Variants in PTPRA observed in about 807,000 individuals in gnomAD.
PTPRA encodes the protein protein tyrosine phosphatase receptor type A, also known as receptor-type tyrosine-protein phosphatase alpha.
Under a neutral mutation model 104.8 loss-of-function variants are expected in PTPRA, and 25 were observed. That is an observed-to-expected ratio of 0.24 (90% CI 0.17 to 0.33). The LOEUF (loss-of-function observed/expected upper bound fraction) is 0.33, where lower values mean the gene tolerates loss of function less well. PTPRA is among the 10% of genes least tolerant of loss of function. The pLI is 1.00. For synonymous variants in PTPRA, 323 were observed against 368.9 expected (o/e 0.88, Z 1.43); for missense variants, 765 against 1,015.3 (o/e 0.75, Z 3.35).
intron 1 of PTPRA, among the ~76,000 whole-genome samples, chr20:2,892,609 T>A (rs2058843630): frequency 1.3e-5 from 2 of 152,112 alleles, no homozygotes; most frequent in Admixed American, 1.3e-4. Context: ...TGTTGCCAGG[T>A]GATTCTGCTC....
chr20:3,010,486 G>T (rs548200734), intron 11 of PTPRA, among the ~76,000 whole-genome samples: 62 of 152,124 alleles, frequency 4.1e-4, no homozygotes, highest in African/African-American at 1.4e-3. Flanking sequence ...AAATTAGTCG[G>T]GCGTGGTGGC....
intron 1 of PTPRA, among the ~76,000 whole-genome samples, chr20:2,909,332 G>A (rs1325937620): frequency 6.6e-6 from 1 of 152,018 alleles, no homozygotes; most frequent in African/African-American, 2.4e-5. Context: ...GGTGGCTCAT[G>A]CTTGTAAATC....
intron 9 of PTPRA, among the ~76,000 whole-genome samples, chr20:2,991,959 T>C (rs1027603774): frequency 6.6e-6 from 1 of 152,212 alleles, no homozygotes; most frequent in Non-Finnish European, 1.5e-5. Flanking sequence ...AATTTCTCTT[T>C]TATACACATT....
At chr20:2,980,470 C>T (rs371218092) in intron 6 of PTPRA, among the ~76,000 whole-genome samples, 1 of 152,054 alleles carries the variant, frequency 6.6e-6, no homozygotes, top group East Asian at 2.0e-4. Flanking sequence ...GTGAGGATCG[C>T]TCGAACCAGG....
chr20:2,968,760 A>G (rs1274128170), intron 5 of PTPRA, among the ~76,000 whole-genome samples: 1 of 152,126 alleles, frequency 6.6e-6, no homozygotes, highest in Non-Finnish European at 1.5e-5. Flanking sequence ...CAAATGATTT[A>G]GAAATTAGCA....
At chr20:2,989,390 G>A (rs372482992) in intron 9 of PTPRA, among the ~76,000 whole-genome samples, 24 of 152,280 alleles carry the variant, frequency 1.6e-4, no homozygotes, top group East Asian at 1.2e-3. Context: ...CCAAGGTCAC[G>A]CCACTGCACT....
chr20:2,870,392 G>A (rs970410274), upstream of PTPRA, among the ~76,000 whole-genome samples: 2 of 152,008 alleles, frequency 1.3e-5, no homozygotes, highest in Non-Finnish European at 1.5e-5. Flanking sequence ...AAAAAAACTC[G>A]GGTTTGAACA....
chr20:2,909,782 T>C (rs1026127265), intron 1 of PTPRA, among the ~76,000 whole-genome samples: 1 of 132,460 alleles, frequency 7.5e-6, no homozygotes. Flanking sequence ...TATAAGATAA[T>C]ATAATATATA....
chr20:3,018,858 T>G (rs1396317718), intron 13 of PTPRA, among the ~76,000 whole-genome samples: 4 of 30,674 alleles, frequency 1.3e-4, no homozygotes, highest in South Asian at 1.5e-3. Flanking sequence ...GGGGGGCTGA[T>G]CCCCCCACCT....
intron 20 of PTPRA, among the ~76,000 whole-genome samples, chr20:3,033,145 A>G (rs2065597374): frequency 6.6e-6 from 1 of 151,936 alleles, no homozygotes; most frequent in East Asian, 1.9e-4. Context: ...TATGGCTTTA[A>G]GTACAACCCA....
intron 1 of PTPRA, among the ~76,000 whole-genome samples, chr20:2,885,827 A>G (rs1192799650): frequency 1.3e-5 from 2 of 152,178 alleles, no homozygotes; most frequent in Non-Finnish European, 1.5e-5. Flanking sequence ...GCACTTTGGG[A>G]GGCCAAGGTG....
upstream of PTPRA, among the ~76,000 whole-genome samples, chr20:2,872,306 G>A (rs1035677629): frequency 6.6e-6 from 1 of 152,204 alleles, no homozygotes; most frequent in Non-Finnish European, 1.5e-5. The surrounding 1 kb of genome is among the most constrained non-coding windows in gnomAD (Gnocchi z 7.9). Flanking sequence ...ACCCTTCCCC[G>A]GGGGCGCCCC....
chr20:2,910,920 C>CT lies in PTPRA; in HGVS notation c.-128-12271dup, dbSNP rs11473733. On this transcript the variant is annotated intron_variant, in intron 1 of 23. Coordinates refer to ENST00000399903, the MANE Select transcript of PTPRA (RefSeq NM_001385305.1). ...GCACCCGGCCTACTTTTTATTTTAA[C>CT]TTTTTTTTTTTTTTTTGTAGAGATG... 7.3e-3 allele frequency among the ~76,000 whole-genome samples: 957 copies of CT among 131,194 alleles called. 26 individuals carry two copies. Among genetic ancestry groups the CT allele is most frequent in the East Asian group, 0.066 (297 of 4,472 alleles). 86.1% of individuals were successfully genotyped at this position (131,194 alleles called of 152,430 possible).
intron 1 of PTPRA, among the ~76,000 whole-genome samples, chr20:2,911,137 G>A (rs1000865654): frequency 2.0e-5 from 3 of 152,022 alleles, no homozygotes; most frequent in Admixed American, 6.6e-5. Context: ...ATTAATAGAA[G>A]CAAGGGGTGG....
At chr20:2,956,661 A>AAAATAAAT (rs3055404) in intron 3 of PTPRA, among the ~76,000 whole-genome samples, 88 of 150,454 alleles carry the variant, frequency 5.8e-4, no homozygotes, top group South Asian at 8.4e-4. Flanking sequence ...TCAGTAAATA[A>AAAATAAAT]AAATAAATAA....
chr20:3,022,085 G>A lies in PTPRA; in HGVS notation c.1193G>A (p.Arg398His), dbSNP rs1221853143. 4.3e-6 allele frequency: 7 copies of A among 1,614,074 alleles called. No individual in the cohort carries two copies. The highest frequency in any genetic ancestry group is 2.7e-5 in the African/African-American group (2 of 74,936). ...VGDMTNRKPQRLITQFHFTSW... is the reference protein window; with the variant it reads ...VGDMTNRKPQHLITQFHFTSW... Reference sequence around the variant, plus strand: ...GACATGACCAACAGAAAGCCACAGCGCCTCATCACTCAGTTCCACTTTACC... The same window carrying A: ...GACATGACCAACAGAAAGCCACAGCACCTCATCACTCAGTTCCACTTTACC... The change falls in exon 15 of 24, where the codon CGC becomes CAC. Residue 398 changes from arginine (R) to histidine (H), a missense_variant. Physicochemically the swap from Arg to His is conservative, Grantham distance 29. Transcript: ENST00000399903. This position sits in a 1 kb window ranked among gnomAD's most constrained non-coding sequence, Gnocchi z 4.6.
At chr20:2,932,608 A>G (rs1217540372) in intron 2 of PTPRA, among the ~76,000 whole-genome samples, 4 of 152,204 alleles carry the variant, frequency 2.6e-5, no homozygotes, top group Non-Finnish European at 4.4e-5. Flanking sequence ...TAGAGGCTCT[A>G]TAGAGGAGAG....
intron 1 of PTPRA, among the ~76,000 whole-genome samples, chr20:2,874,346 A>C (rs1407918815): frequency 6.6e-6 from 1 of 152,098 alleles, no homozygotes; most frequent in Non-Finnish European, 1.5e-5. Context: ...GGTAAATAAA[A>C]AATTTTTTTT....
Position 3,013,970 on chromosome 20 carries a change from G to A in PTPRA, c.907-1879G>A, listed in dbSNP as rs77881030. ...ATATGACGCACTCCTGGTAAGATGGGGCAGGAAGCACTTTGGGGCTGGGCC... is the reference window on the plus strand; with the variant it reads ...ATATGACGCACTCCTGGTAAGATGGAGCAGGAAGCACTTTGGGGCTGGGCC... On this transcript the variant is annotated intron_variant, in intron 11 of 23. Transcript: ENST00000399903. Among the ~76,000 whole-genome samples, 608 of 152,246 alleles carry A rather than the reference G, an allele frequency of 4.0e-3. 8 individuals are homozygous for A. Among genetic ancestry groups the A allele is most frequent in the African/African-American group, 0.014 (593 of 41,554 alleles).
Sources: gnomAD v4.1 joint callset for allele counts (sites outside exome capture counted in the v4.1 genomes callset) on GRCh38, gnomAD v4.1.1 for gene constraint, Gnocchi (gnomAD v3.1) non-coding constraint, MANE v1.5 for transcripts, NCBI Gene and HGNC (gene_info 2026-07-23, HGNC 2026-07-21) for gene names.